The following PDE10A variants were observed in gnomAD, a reference collection of about 807,000 sequenced individuals.
PDE10A encodes the protein phosphodiesterase 10A, also known as cAMP and cAMP-inhibited cGMP 3',5'-cyclic phosphodiesterase 10A.
PDE10A carries 39 observed loss-of-function variants against 97.7 expected under a neutral mutation model. That is an observed-to-expected ratio of 0.40 (90% CI 0.31 to 0.52). The LOEUF (loss-of-function observed/expected upper bound fraction) is 0.52. PDE10A is among the 20% of genes least tolerant of loss of function. The probability of loss-of-function intolerance (pLI) is 0.56; values close to 1 mark genes in which losing one functional copy is unlikely to be tolerated. For synonymous variants in PDE10A, 371 were observed against 376.8 expected, an observed-to-expected ratio of 0.98 and a Z score of 0.18; for missense variants, 731 against 1,047.8, an observed-to-expected ratio of 0.70 and a Z score of 4.17.
chr6:165,737,548 T>C (rs1362480053), intron 1 of PDE10A, among the ~76,000 whole-genome samples: 3 of 152,078 alleles, frequency 2.0e-5, no homozygotes, highest in Non-Finnish European at 4.4e-5. Flanking sequence ...AAGAAAAAAA[T>C]ATATGGTCAT....
intron 1 of PDE10A, among the ~76,000 whole-genome samples, chr6:165,756,675 T>G (rs1393109695): frequency 6.6e-6 from 1 of 152,200 alleles, no homozygotes; most frequent in African/African-American, 2.4e-5. Flanking sequence ...AGTATCACAC[T>G]GAATGTGCAC....
intron 18 of PDE10A, among the ~76,000 whole-genome samples, chr6:165,362,761 A>G (rs933963814): frequency 6.6e-6 from 1 of 152,190 alleles, no homozygotes; most frequent in Admixed American, 6.5e-5. Flanking sequence ...AATACCACAA[A>G]AAAGAAAAGT....
At chr6:165,728,375 C>T (rs1792348874) in intron 1 of PDE10A, among the ~76,000 whole-genome samples, 1 of 152,224 alleles carries the variant, frequency 6.6e-6, no homozygotes, top group African/African-American at 2.4e-5. Context: ...TCTCCTCTCC[C>T]TTCAGTAGGG....
rs565935992 is a variant in PDE10A, at chr6:165,827,248, A to G, written c.-615+160281T>C. Among the ~76,000 whole-genome samples the G allele has an allele frequency of 2.6e-4, 39 of 152,312 alleles. 1 individual carries two copies. The South Asian group carries it at 8.1e-3, about 32-fold the overall frequency. On this transcript the variant is annotated intron_variant, in intron 1 of 19. Transcript: ENST00000366882. ...AACACAGGGAAGGGTCTAAGCCCTG[A>G]CGTCCCTCCAGACCCCACGCCCATT...
At chr6:165,638,825 C>T (rs1312812549) in intron 1 of PDE10A, among the ~76,000 whole-genome samples, 1 of 152,102 alleles carries the variant, frequency 6.6e-6, no homozygotes, top group Non-Finnish European at 1.5e-5. Context: ...AACTACTATA[C>T]TAAGGGAAAA....
At chr6:165,360,012 C>G (rs1316252084) in intron 18 of PDE10A, among the ~76,000 whole-genome samples, 1 of 152,144 alleles carries the variant, frequency 6.6e-6, no homozygotes. Context: ...TAGTGGATCT[C>G]CCCAATCCTG....
chr6:165,782,719 C>G (rs754615259), intron 1 of PDE10A, among the ~76,000 whole-genome samples: 2 of 152,164 alleles, frequency 1.3e-5, no homozygotes, highest in Non-Finnish European at 2.9e-5. Context: ...CAAAGAACAT[C>G]AAGAACTACG....
At chr6:165,432,137 C>T (rs1789620159) in intron 7 of PDE10A, among the ~76,000 whole-genome samples, 1 of 152,072 alleles carries the variant, frequency 6.6e-6, no homozygotes, top group African/African-American at 2.4e-5. Context: ...ATGGAGTGGC[C>T]TTCAGTGTAC....
rs376951667 is a variant in PDE10A, at chr6:165,705,365, C to A, written c.-614-161797G>T. On this transcript the variant is annotated intron_variant, in intron 1 of 19. Transcript: ENST00000366882. ...ATGCCACCCAGATGCCAGGGTCCCA[C>A]TGGTGACTTCTGAGACAGTACCCAA... Among the ~76,000 whole-genome samples the A allele has an allele frequency of 3.3e-4, 51 of 152,346 alleles. No homozygotes were observed. In the East Asian group the frequency reaches 5.4e-3, roughly 16 times the overall value.
At chr6:165,334,664 T>C (rs1241594432) in intron 21 of PDE10A, among the ~76,000 whole-genome samples, 1 of 152,192 alleles carries the variant, frequency 6.6e-6, no homozygotes, top group East Asian at 1.9e-4. Context: ...TCAAGAATGA[T>C]CTGGCCTCAC....
intron 1 of PDE10A, among the ~76,000 whole-genome samples, chr6:165,700,301 G>A (rs1791536377): frequency 6.6e-6 from 1 of 152,140 alleles, no homozygotes; most frequent in African/African-American, 2.4e-5. Flanking sequence ...AGGGGATGGG[G>A]TAGGGGGCAG....
chr6:165,392,940 A>G, intron 15 of PDE10A, 144 bp from the exon 16 acceptor site: 1 of 689,246 alleles, frequency 1.5e-6, no homozygotes, highest in South Asian at 1.8e-5. Context: ...ATCCATGAGC[A>G]CTGGAAACTC....
chr6:165,335,772 G>C (rs1173172780), intron 21 of PDE10A, among the ~76,000 whole-genome samples: 2 of 151,642 alleles, frequency 1.3e-5, no homozygotes, highest in Non-Finnish European at 2.9e-5. Flanking sequence ...AAGCGAGAAG[G>C]GTCTCCCACA....
At chr6:165,620,669 A>G (rs542039463) in intron 1 of PDE10A, among the ~76,000 whole-genome samples, 1 of 152,338 alleles carries the variant, frequency 6.6e-6, no homozygotes, top group African/African-American at 2.4e-5. Context: ...GGAAGAGCCC[A>G]GAACTCTTCT....
chr6:165,631,462 C>A (rs938290512), intron 1 of PDE10A, among the ~76,000 whole-genome samples: 7 of 152,192 alleles, frequency 4.6e-5, no homozygotes, highest in Non-Finnish European at 7.3e-5. Flanking sequence ...ATCAAGATAT[C>A]CATCCCCTTA....
chr6:165,726,584 T>G lies in PDE10A; in HGVS notation c.-614-183016A>C, dbSNP rs1792301467. ...GAGCCACGATGCCCGCTCCCCCCGG[T>G]GGTCCACACCTCCTGACAGGCACCG... is the stretch of plus-strand genomic sequence containing the variant. On this transcript the variant is annotated intron_variant, in intron 1 of 19. Transcript: ENST00000366882. Among the ~76,000 whole-genome samples, 3 of 150,492 alleles carry G rather than the reference T, an allele frequency of 2.0e-5. No homozygotes were observed. In the South Asian group the frequency reaches 6.3e-4, roughly 31 times the overall value.
chr6:165,967,059 C>T (rs1223857951), intron 1 of PDE10A, among the ~76,000 whole-genome samples: 3 of 152,114 alleles, frequency 2.0e-5, no homozygotes, highest in Non-Finnish European at 1.5e-5. Flanking sequence ...GAGGGAACTA[C>T]AATTATCTGG....
chr6:165,647,397 C>T (rs76191662), intron 1 of PDE10A, among the ~76,000 whole-genome samples: 3,375 of 152,238 alleles, frequency 0.022, 42 homozygotes, highest in African/African-American at 0.034. Flanking sequence ...GAAGGCGAAA[C>T]GCTCAGAGAC....
In PDE10A at chr6:165,907,639, G is replaced by A. The variant is rs574291177; in HGVS notation, c.-615+79890C>T. ...GTTCGTGTGCTGCCCTGACCTGAGTGCCATCGTGGTTTGTGAAATCCAGCA... is the reference window on the plus strand; with the variant it reads ...GTTCGTGTGCTGCCCTGACCTGAGTACCATCGTGGTTTGTGAAATCCAGCA... On this transcript the variant is annotated intron_variant, in intron 1 of 19. Coordinates refer to the PDE10A transcript ENST00000366882. Among the ~76,000 whole-genome samples the A allele has an allele frequency of 1.1e-4, 17 of 152,324 alleles. No individual in the cohort carries two copies. In the South Asian group the frequency reaches 3.3e-3, roughly 30 times the overall value.
Sources: allele counts gnomAD v4.1 joint callset (sites outside exome capture counted in the v4.1 genomes callset), GRCh38; gene constraint gnomAD v4.1.1; transcripts MANE v1.5; gene names NCBI Gene and HGNC (gene_info 2026-07-23, HGNC 2026-07-21).